PARP12: variants seen among roughly 807,000 people sequenced by gnomAD.
PARP12 encodes the protein protein mono-ADP-ribosyltransferase PARP12.
Under a neutral mutation model 72.4 loss-of-function variants are expected in PARP12, and 59 were observed. That is an observed-to-expected ratio of 0.81 (90% CI 0.66 to 1.01). The LOEUF is 1.01. PARP12 is among the 50% of genes least tolerant of loss of function. The probability of loss-of-function intolerance (pLI) is 0.00; values close to 1 mark genes in which losing one functional copy is unlikely to be tolerated. For synonymous variants in PARP12, 403 were observed against 371.4 expected, an observed-to-expected ratio of 1.09 and a Z score of -0.98; for missense variants, 851 against 914.0, an observed-to-expected ratio of 0.93 and a Z score of 0.89.
chr7:140,028,538 T>C (rs1165377282), intron 9 of PARP12, 75 bp downstream of exon 9: 1 of 1,290,870 alleles, frequency 7.7e-7, no homozygotes, highest in Non-Finnish European at 1.1e-6. Context: ...TGTTGAGGAA[T>C]GGCACAGTCT....
Position 140,024,117 on chromosome 7 carries a change from CTG to C in PARP12, c.*441_*442del. On this transcript the variant is annotated 3_prime_UTR_variant, in exon 12 of 12. Transcript: ENST00000263549. ...GTGTCAGAGCAACAGGCAGAAGTGACTGTGCCGCCCGTGGGCTGTCATCCACC... is the reference window on the plus strand; with the variant it reads ...GTGTCAGAGCAACAGGCAGAAGTGACTGCCGCCCGTGGGCTGTCATCCACC... The C allele has an allele frequency of 7.1e-6, 2 of 280,872 alleles. No individual in the cohort carries two copies. Among genetic ancestry groups the C allele is most frequent in the Non-Finnish European group, 1.4e-5 (2 of 144,224 alleles). The allele number at this position is 280,872 out of a possible 1,614,324, so 17.4% of individuals were successfully genotyped here.
intron 4 of PARP12, among the ~76,000 whole-genome samples, chr7:140,048,335 A>C (rs890623244): frequency 1.3e-5 from 2 of 152,028 alleles, no homozygotes; most frequent in African/African-American, 4.8e-5. Flanking sequence ...CTCCAAGCAC[A>C]CGCTGCCTGC....
intron 8 of PARP12, among the ~76,000 whole-genome samples, chr7:140,030,290 G>A (rs1371495736): frequency 1.3e-5 from 2 of 152,166 alleles, no homozygotes; most frequent in Non-Finnish European, 2.9e-5. Flanking sequence ...TTTCCTTCAA[G>A]ATTGATGGCA....
At chr7:140,027,625 A>AGGTTTGTTGTTTT in intron 9 of PARP12, 1 of 411,982 alleles carries the variant, frequency 2.4e-6, no homozygotes, top group Non-Finnish European at 4.4e-6. Context: ...GTAAAACAAC[A>AGGTTTGTTGTTTT]AACCTCTTGT....
At chr7:140,025,241 A>C (rs1815687591) in intron 11 of PARP12, 2 of 311,266 alleles carry the variant, frequency 6.4e-6, no homozygotes, top group Non-Finnish European at 1.2e-5. Context: ...CCAACCTTAC[A>C]GGGTTGGCAT....
chr7:140,034,972 G>T (rs1816092138), intron 7 of PARP12, among the ~76,000 whole-genome samples: 1 of 152,040 alleles, frequency 6.6e-6, no homozygotes, highest in Middle Eastern at 3.2e-3. Flanking sequence ...GGGGTCTTTT[G>T]CTTTGTTGCT....
At chr7:140,032,110 A>G (rs1447495366) in intron 8 of PARP12, among the ~76,000 whole-genome samples, 1 of 152,126 alleles carries the variant, frequency 6.6e-6, no homozygotes, top group Non-Finnish European at 1.5e-5. Context: ...AGAAGCAAAA[A>G]TGGCACTTAC....
rs1386461398 is a variant in PARP12, at chr7:140,024,846, T to C, written c.1820A>G (p.Tyr607Cys). ...FARDAAYSHH[Y>C]SKSDTQTHTM... The stretch of plus-strand genomic sequence containing the variant: ...GTGGGTCTGCGTGTCGGATTTGCTG[T>C]AGTGGTGGGAATATGCAGCATCTCG... Residue 607 changes from tyrosine to cysteine, a missense_variant, in exon 12 of 12, where the codon TAC becomes TGC. Tyr to Cys is a radical substitution (Grantham distance 194). Coordinates refer to ENST00000263549, the MANE Select transcript of PARP12 (RefSeq NM_022750.4). 1 of 1,613,924 alleles carries C rather than the reference T, an allele frequency of 6.2e-7. No individual in the cohort carries two copies.
In PARP12 at chr7:140,026,134, G is replaced by A. The variant is rs1418351263; in HGVS notation, c.1780+63C>T. On this transcript the variant is annotated intron_variant, in intron 11 of 11. Transcript: ENST00000263549. Reference sequence around the variant, plus strand: ...GCTGGTCCCCTCATGCCCTCTAGCAGTCTGTTCCTATGCAGGGGCAAAGCA... The same window carrying A: ...GCTGGTCCCCTCATGCCCTCTAGCAATCTGTTCCTATGCAGGGGCAAAGCA... The A allele has an allele frequency of 5.6e-6, 9 of 1,612,372 alleles. No individual in the cohort carries two copies. The Middle Eastern group carries it at 1.0e-3, about 181-fold the overall frequency.
intron 8 of PARP12, chr7:140,033,104 G>C: frequency 1.3e-6 from 1 of 796,896 alleles, no homozygotes. Context: ...AGGCGCACAG[G>C]CTGGTCTCGA....
intron 4 of PARP12, among the ~76,000 whole-genome samples, chr7:140,048,320 C>T (rs1816820912): frequency 6.6e-6 from 1 of 152,160 alleles, no homozygotes; most frequent in African/African-American, 2.4e-5. Context: ...TCACTTCTCT[C>T]ATCACTCCAA....
chr7:140,062,869 C>T lies in PARP12; in HGVS notation c.-22G>A, dbSNP rs1198548223. 6 of 1,262,694 alleles carry T rather than the reference C, an allele frequency of 4.8e-6. No individual in the cohort carries two copies. In the African/African-American group the frequency reaches 7.9e-5, roughly 17 times the overall value. 78.2% of individuals were successfully genotyped at this position (1,262,694 alleles called of 1,614,324 possible). A position where few individuals can be genotyped will look rare whatever the true frequency, so the allele number is the denominator to read the frequency against. On this transcript the variant is annotated 5_prime_UTR_variant, in exon 1 of 12. Transcript: ENST00000263549. Reference sequence around the variant, plus strand: ...CCATGGCCGCTGGGCCTGCTCCCGTCGGACCGCGGGTGGCGCGACGCGGAC... The same window carrying T: ...CCATGGCCGCTGGGCCTGCTCCCGTTGGACCGCGGGTGGCGCGACGCGGAC...
chr7:140,028,690 T>C lies in PARP12; in HGVS notation c.1422-2A>G. On this transcript the variant is annotated splice_acceptor_variant, in intron 8 of 11. Coordinates refer to ENST00000263549, the MANE Select transcript of PARP12 (RefSeq NM_022750.4). LOFTEE classifies it high-confidence loss of function. ...TTCGGGCCTGGAAACTTGGTATTGC[T>C]ACAAAAATGTAAACAAAAACACGTA... is the stretch of plus-strand genomic sequence containing the variant. 1 of 1,596,966 alleles carries C rather than the reference T, an allele frequency of 6.3e-7. No individual in the cohort carries two copies. The highest frequency in any genetic ancestry group is 8.5e-7 in the Non-Finnish European group (1 of 1,170,520).
In PARP12 at chr7:140,037,808, C is replaced by T; in HGVS notation, c.1231G>A (p.Ala411Thr). 1 of 1,613,960 alleles carries T rather than the reference C, an allele frequency of 6.2e-7. No individual in the cohort carries two copies. The highest frequency in any genetic ancestry group is 1.3e-5 in the African/African-American group (1 of 75,056). ...CCCGGTGTACAGTAGGCCAGGTAGG[C>T]CTTCTCCACGTCGCTACTGCTGACA... ...TTVSSSDVEKAYLAYCTPGSD... is the reference protein window; with the variant it reads ...TTVSSSDVEKTYLAYCTPGSD... The change falls in exon 7 of 12, where the codon GCC becomes ACC. Residue 411 changes from alanine to threonine, a missense_variant. By Grantham distance (58) the Ala-to-Thr change is moderately conservative. Transcript: ENST00000263549.
intron 5 of PARP12, among the ~76,000 whole-genome samples, chr7:140,045,265 T>G (rs1447266881): frequency 1.3e-5 from 2 of 152,178 alleles, no homozygotes; most frequent in Non-Finnish European, 2.9e-5. Flanking sequence ...ATTCCCAGCC[T>G]CTAGCAATCC....
Position 140,026,196 on chromosome 7 carries a change from C to T in PARP12, c.1780+1G>A, listed in dbSNP as rs769970292. 5 of 1,614,058 alleles carry T rather than the reference C, an allele frequency of 3.1e-6. No homozygotes were observed. Among genetic ancestry groups the T allele is most frequent in the Non-Finnish European group, 4.2e-6 (5 of 1,180,048 alleles). ...GCTGGTGGAGGCCAGTCATGCCTTA[C>T]CCTTGCCGTAGGAAGTGCCATGAAC... On this transcript the variant is annotated splice_donor_variant, in intron 11 of 11. Transcript: ENST00000263549. LOFTEE classifies it high-confidence loss of function.
intron 4 of PARP12, 142 bp downstream of exon 4, chr7:140,054,520 A>G (rs1279080887): frequency 1.6e-6 from 1 of 635,102 alleles, no homozygotes; most frequent in Non-Finnish European, 2.8e-6. Flanking sequence ...TACCTTCAGA[A>G]TTGGTTTGGC....
chr7:140,054,099 G>A (rs953414983), intron 4 of PARP12, among the ~76,000 whole-genome samples: 24 of 152,222 alleles, frequency 1.6e-4, no homozygotes, highest in African/African-American at 5.8e-4. Context: ...GCCCAGGACA[G>A]CATTTAAGAA....
intron 6 of PARP12, among the ~76,000 whole-genome samples, chr7:140,040,744 A>G (rs1193340972): frequency 1.3e-5 from 2 of 152,186 alleles, no homozygotes; most frequent in Admixed American, 6.5e-5. Context: ...TTGGAGGGTG[A>G]GTTCTTTATC....
Sources: gnomAD v4.1 joint callset for allele counts (sites outside exome capture counted in the v4.1 genomes callset) on GRCh38, gnomAD v4.1.1 for gene constraint, MANE v1.5 for transcripts, NCBI Gene and HGNC (gene_info 2026-07-23, HGNC 2026-07-21) for gene names.